The following ERBB4 variants were observed in gnomAD, a reference collection of about 807,000 sequenced individuals.
The protein encoded by ERBB4 is erb-b2 receptor tyrosine kinase 4.
A neutral mutation model predicts 158.0 loss-of-function variants in ERBB4; 42 were observed. The observed-to-expected ratio is 0.27, with a 90% CI of 0.21 to 0.34. ERBB4 has a LOEUF of 0.34. Among genes scored for constraint, ERBB4 ranks in the 10% least tolerant of loss-of-function variants. The pLI is 1.00. For missense variants in ERBB4, 1,333 were observed against 1,624.1 expected, an observed-to-expected ratio of 0.82 and a Z score of 3.08; for synonymous variants, 583 against 558.7, an observed-to-expected ratio of 1.04 and a Z score of -0.61.
intron 2 of ERBB4, among the ~76,000 whole-genome samples, chr2:212,031,571 C>G (rs541706557): frequency 6.6e-6 from 1 of 152,130 alleles, no homozygotes; most frequent in Admixed American, 6.6e-5. Flanking sequence ...AATCACACTA[C>G]GTGATTCTCT....
At chr2:212,048,870 T>G (rs1199010831) in intron 2 of ERBB4, among the ~76,000 whole-genome samples, 1 of 152,122 alleles carries the variant, frequency 6.6e-6, no homozygotes, top group Non-Finnish European at 1.5e-5. Context: ...CCCTTAAGCA[T>G]TCGAACATGG....
intron 5 of ERBB4, among the ~76,000 whole-genome samples, chr2:211,736,119 T>G (rs1487885336): frequency 2.0e-5 from 3 of 151,344 alleles, no homozygotes. Flanking sequence ...GCTATGATTG[T>G]GCCTCTGTGC....
At chr2:212,241,985 A>T (rs1216636493) in intron 1 of ERBB4, among the ~76,000 whole-genome samples, 1 of 152,056 alleles carries the variant, frequency 6.6e-6, no homozygotes, top group Non-Finnish European at 1.5e-5. Flanking sequence ...AATGAAAAAA[A>T]ATTCAAATAT....
chr2:211,541,937 G>A (rs2066820127), intron 20 of ERBB4, among the ~76,000 whole-genome samples: 1 of 151,976 alleles, frequency 6.6e-6, no homozygotes. Context: ...AAATGAGCAT[G>A]AGTTTTAGAA....
chr2:211,385,522 A>G (rs934136504), intron 27 of ERBB4, among the ~76,000 whole-genome samples: 1 of 152,180 alleles, frequency 6.6e-6, no homozygotes, highest in Non-Finnish European at 1.5e-5. Flanking sequence ...GTATGAAAAC[A>G]TTTATAAGGA....
chr2:211,562,071 TG>T lies in ERBB4; in HGVS notation c.2318del (p.Ala773GlufsTer8). 6.2e-7 allele frequency: 1 copy of T among 1,613,740 alleles called. No individual in the cohort carries two copies. Among genetic ancestry groups the T allele is most frequent in the Non-Finnish European group, 8.5e-7 (1 of 1,180,030 alleles). Reference sequence around the variant, plus strand: ...GGACTAGGTGTGGATGATCCATACTTGCCATGATCAGAGCTTCCTGTAAGAA... The same window carrying T: ...GGACTAGGTGTGGATGATCCATACTTCCATGATCAGAGCTTCCTGTAAGAA... ...VEFMDEALIM[A>X]SMDHPHLVRL... On this transcript the variant is annotated frameshift_variant, in exon 20 of 28. Transcript: ENST00000342788. LOFTEE classifies it high-confidence loss of function.
In ERBB4 at chr2:211,390,155, C is replaced by T. The variant is rs553318336; in HGVS notation, c.3136-2163G>A. On this transcript the variant is annotated intron_variant, in intron 25 of 27. Transcript: ENST00000342788. ...ACCAAATTACAAACACTGGCCTTAC[C>T]CTCATCATTAAACACCAATTATTTG... Among the ~76,000 whole-genome samples the T allele has an allele frequency of 3.9e-5, 6 of 152,102 alleles. No individual in the cohort carries two copies. In the East Asian group the frequency reaches 1.2e-3, roughly 29 times the overall value.
chr2:211,400,777 A>G (rs2063022099), intron 25 of ERBB4, among the ~76,000 whole-genome samples: 1 of 134,152 alleles, frequency 7.5e-6, no homozygotes, highest in Non-Finnish European at 1.6e-5. Flanking sequence ...AAATAAAAAC[A>G]TATAACTGGA....
intron 1 of ERBB4, among the ~76,000 whole-genome samples, chr2:212,530,658 G>A (rs2106341241): frequency 6.6e-6 from 1 of 152,288 alleles, no homozygotes; most frequent in African/African-American, 2.4e-5. Context: ...CCAGCCATGA[G>A]ATAACCCCAG....
rs143625606 is a variant in ERBB4 at position 211,523,457 on chromosome 2, G to A, written c.2487+38446C>T. Among the ~76,000 whole-genome samples the A allele has an allele frequency of 5.4e-3, 810 of 151,396 alleles. 12 individuals are homozygous for A. Among genetic ancestry groups the A allele is most frequent in the Non-Finnish European group, 9.5e-3 (642 of 67,934 alleles). The stretch of plus-strand genomic sequence containing the variant: ...CAAGAATGAAGCGGTGGACCCTTGC[G>A]GTGAGTGTTACAGCTCTTAAGGTGG... On this transcript the variant is annotated intron_variant, in intron 20 of 27. Coordinates refer to ENST00000342788, the MANE Select transcript of ERBB4 (RefSeq NM_005235.3).
chr2:211,898,685 G>C (rs1282264309), intron 3 of ERBB4, among the ~76,000 whole-genome samples: 1 of 152,088 alleles, frequency 6.6e-6, no homozygotes, highest in African/African-American at 2.4e-5. Flanking sequence ...ACAGCTATCT[G>C]ACATTTTCAG....
Position 211,424,351 on chromosome 2 carries a change from A to T in ERBB4, c.2720-50T>A, listed in dbSNP as rs753296089. 21 of 1,371,596 alleles carry T rather than the reference A, an allele frequency of 1.5e-5. No individual in the cohort carries two copies. In the Middle Eastern group the frequency reaches 5.4e-4, roughly 35 times the overall value. The allele number at this position is 1,371,596 out of a possible 1,614,324, so 85.0% of individuals were successfully genotyped here. A position where few individuals can be genotyped will look rare whatever the true frequency, so the allele number is the denominator to read the frequency against. On this transcript the variant is annotated intron_variant, in intron 22 of 27. Coordinates refer to ENST00000342788, the MANE Select transcript of ERBB4 (RefSeq NM_005235.3). ...TTAAGCATATTAACAACATATGTTG[A>T]ACAAACCAGCACTATACCAGTAGTA... is the stretch of plus-strand genomic sequence containing the variant.
chr2:212,324,872 G>GT (rs398105288), intron 1 of ERBB4, among the ~76,000 whole-genome samples: 10 of 17,990 alleles, frequency 5.6e-4, no homozygotes, highest in South Asian at 1.3e-3. Context: ...TATTCAGTAT[G>GT]CTCAAAAATT....
At chr2:212,173,818 G>C (rs1466689950) in intron 1 of ERBB4, among the ~76,000 whole-genome samples, 1 of 152,090 alleles carries the variant, frequency 6.6e-6, no homozygotes, top group African/African-American at 2.4e-5. Context: ...AAGTCTGTTT[G>C]AAATCTCTTG....
At chr2:211,772,125 C>G (rs1053693937) in intron 4 of ERBB4, among the ~76,000 whole-genome samples, 5 of 152,122 alleles carry the variant, frequency 3.3e-5, no homozygotes, top group African/African-American at 1.2e-4. Flanking sequence ...GGTGGAAATA[C>G]TACATAATGG....
At chr2:211,528,331 TC>T (rs2066407776) in intron 20 of ERBB4, among the ~76,000 whole-genome samples, 1 of 151,930 alleles carries the variant, frequency 6.6e-6, no homozygotes, top group Non-Finnish European at 1.5e-5. Flanking sequence ...ATATATGTAC[TC>T]AACATTGGAG....
chr2:212,278,170 T>C (rs2085617195), intron 1 of ERBB4, among the ~76,000 whole-genome samples: 1 of 151,748 alleles, frequency 6.6e-6, no homozygotes, highest in African/African-American at 2.4e-5. Flanking sequence ...TGGTTTGGTT[T>C]TGGTTGAGGT....
intron 1 of ERBB4, among the ~76,000 whole-genome samples, chr2:212,263,504 G>T (rs1183396496): frequency 6.6e-6 from 1 of 152,024 alleles, no homozygotes; most frequent in African/African-American, 2.4e-5. Flanking sequence ...GCACCAAATT[G>T]CGTTTTTGCA....
At chr2:211,874,990 C>G (rs968735332) in intron 3 of ERBB4, among the ~76,000 whole-genome samples, 7 of 118,192 alleles carry the variant, frequency 5.9e-5, no homozygotes, top group Non-Finnish European at 1.1e-4. Context: ...ACTCTTTAAG[C>G]TAAGGCTTGT....
Sources: allele counts gnomAD v4.1 joint callset (sites outside exome capture counted in the v4.1 genomes callset), GRCh38; gene constraint gnomAD v4.1.1; transcripts MANE v1.5; gene names NCBI Gene and HGNC (gene_info 2026-07-23, HGNC 2026-07-21).